ZNF536: variants seen among roughly 807,000 people sequenced by gnomAD.
ZNF536 encodes zinc finger protein 536.
Under a neutral mutation model 84.5 loss-of-function variants are expected in ZNF536, and 13 were observed. The observed-to-expected ratio is 0.15, with a 90% CI of 0.10 to 0.24. ZNF536 has a LOEUF of 0.24. Among genes scored for constraint, ZNF536 ranks in the 10% least tolerant of loss-of-function variants. The probability of loss-of-function intolerance (pLI) is 1.00; values close to 1 mark genes in which losing one functional copy is unlikely to be tolerated. For missense variants in ZNF536, 1,536 were observed against 1,747.5 expected, an observed-to-expected ratio of 0.88 and a Z score of 2.16; for synonymous variants, 811 against 742.5, an observed-to-expected ratio of 1.09 and a Z score of -1.50.
intron 2 of ZNF536, among the ~76,000 whole-genome samples, chr19:30,487,335 G>T (rs182758359): frequency 4.3e-4 from 65 of 152,312 alleles, no homozygotes; most frequent in African/African-American, 1.5e-3. Context: ...TGATGGACAT[G>T]ATGCAGCCAT....
At chr19:30,270,827 A>T (rs2025791264) in intron 1 of ZNF536, among the ~76,000 whole-genome samples, 1 of 150,424 alleles carries the variant, frequency 6.6e-6, no homozygotes, top group Non-Finnish European at 1.5e-5. Flanking sequence ...CTTTGAAAGG[A>T]TGGAGACCAT....
upstream of ZNF536, among the ~76,000 whole-genome samples, chr19:30,225,922 G>A (rs2022586088): frequency 7.2e-6 from 1 of 138,628 alleles, no homozygotes; most frequent in South Asian, 2.7e-4. Context: ...TGACGTTGGC[G>A]AGAGAAGCTG....
At chr19:30,528,970 G>A (rs147680923) in intron 2 of ZNF536, among the ~76,000 whole-genome samples, 1 of 151,668 alleles carries the variant, frequency 6.6e-6, no homozygotes, top group South Asian at 2.1e-4. Context: ...GGATAGGCTT[G>A]GAGCTCTTTC....
At chr19:30,362,439 C>A (rs2048304401) in intron 3 of ZNF536, among the ~76,000 whole-genome samples, 2 of 152,218 alleles carry the variant, frequency 1.3e-5, no homozygotes, top group Admixed American at 1.3e-4. Context: ...AGCAAAGGGC[C>A]TCCAGGTAGG....
rs34995610 is a variant in ZNF536, at chr19:30,569,559, C to CTTTTTT, written c.169+20070_169+20075dup. Among the ~76,000 whole-genome samples, 78 of 55,090 alleles carry CTTTTTT rather than the reference C, an allele frequency of 1.4e-3. 9 individuals are homozygous for CTTTTTT. The highest frequency in any genetic ancestry group is 3.9e-3 in the African/African-American group (52 of 13,218). 36.1% of individuals were successfully genotyped at this position (55,090 alleles called of 152,430 possible). On this transcript the variant is annotated intron_variant, in intron 1 of 1. Transcript: ENST00000592773. ...ATGGAATCGAAGCCAGATAAACGTT[C>CTTTTTT]TTTTTTTTTTTTTTTTTTTTTTTTT...
upstream of ZNF536, among the ~76,000 whole-genome samples, chr19:30,369,359 C>T (rs565035934): frequency 9.2e-5 from 14 of 152,300 alleles, 1 homozygote; most frequent in South Asian, 2.7e-3. Flanking sequence ...GGATTTTGAT[C>T]TCTTATTTAT....
At chr19:30,345,691 CA>C (rs1312329143) in intron 2 of ZNF536, among the ~76,000 whole-genome samples, 7 of 152,194 alleles carry the variant, frequency 4.6e-5, no homozygotes, top group African/African-American at 1.4e-4. Flanking sequence ...TCATTGAAGG[CA>C]GAGAGTCTCG....
chr19:30,325,339 T>C (rs1600226701), intron 2 of ZNF536, among the ~76,000 whole-genome samples: 1 of 152,178 alleles, frequency 6.6e-6, no homozygotes, highest in Non-Finnish European at 1.5e-5. Context: ...ATGTCGGATC[T>C]GGGAGGCAAG....
chr19:30,444,996 C>T lies in ZNF536; in HGVS notation c.1434C>T (p.His478=), dbSNP rs752956831. ...KLLSPISSMA[H]GVPEGDKHSL... The stretch of plus-strand genomic sequence containing the variant: ...TGTCTCCCATCTCCAGCATGGCCCA[C>T]GGCGTCCCGGAGGGGGACAAGCACT... Residue 478 remains histidine (H), a synonymous_variant, in exon 2 of 5, where the codon CAC becomes CAT. Coordinates refer to ENST00000355537, the MANE Select transcript of ZNF536 (RefSeq NM_014717.3). 1 of 1,610,954 alleles carries T rather than the reference C, an allele frequency of 6.2e-7. No homozygotes were observed. Among genetic ancestry groups the T allele is most frequent in the East Asian group, 2.2e-5 (1 of 44,818 alleles).
At chr19:30,331,549 G>C (rs1375974520) in intron 2 of ZNF536, among the ~76,000 whole-genome samples, 1 of 152,006 alleles carries the variant, frequency 6.6e-6, no homozygotes, top group Non-Finnish European at 1.5e-5. Flanking sequence ...AGGTCTGTTG[G>C]CCAGTGACAT....
chr19:30,339,040 T>C (rs147088192), intron 2 of ZNF536, among the ~76,000 whole-genome samples: 1 of 152,274 alleles, frequency 6.6e-6, no homozygotes, highest in Non-Finnish European at 1.5e-5. Flanking sequence ...GCTGTAAAGT[T>C]CCGTAGCTAA....
chr19:30,484,869 C>A (rs896552211), intron 2 of ZNF536, among the ~76,000 whole-genome samples: 1 of 151,820 alleles, frequency 6.6e-6, no homozygotes, highest in African/African-American at 2.4e-5. Context: ...TGTTGCCGGG[C>A]GCGGTGGCTC....
At chr19:30,422,306 G>T (rs991742599) in intron 1 of ZNF536, among the ~76,000 whole-genome samples, 1 of 152,158 alleles carries the variant, frequency 6.6e-6, no homozygotes, top group African/African-American at 2.4e-5. Context: ...GCCCAAGGAA[G>T]TTGCATCAGA....
chr19:30,284,268 G>A (rs191828643), intron 2 of ZNF536: 9 of 152,408 alleles, frequency 5.9e-5, no homozygotes, highest in Admixed American at 1.3e-4. Context: ...AGTCACAGGT[G>A]TCTGGGAGGT....
Position 30,649,780 on chromosome 19 carries a change from G to A in ZNF536, c.170-60977G>A, listed in dbSNP as rs187108769. Among the ~76,000 whole-genome samples the A allele has an allele frequency of 1.4e-3, 211 of 152,120 alleles. 1 individual carries two copies. The highest frequency in any genetic ancestry group is 4.8e-3 in the African/African-American group (200 of 41,512). ...CAAAGTTGGAGTAATTAATTTAGAA[G>A]GGGGCTGACTGGTTTTCCACCTCTC... On this transcript the variant is annotated intron_variant, in intron 1 of 1. Coordinates refer to the ZNF536 transcript ENST00000592773.
At position 30,525,972 on chromosome 19, in the gene ZNF536, C is replaced by T. The variant is rs189370733; in HGVS notation, c.2171-8875C>T. On this transcript the variant is annotated intron_variant, in intron 2 of 4. Coordinates refer to ENST00000355537, the MANE Select transcript of ZNF536 (RefSeq NM_014717.3). ...TAGCTGGTCCCTGCCCTGCCCCCAA[C>T]CAGAGGCTGTTCCCAGGAGATGGCA... Among the ~76,000 whole-genome samples the T allele has an allele frequency of 9.8e-5, 15 of 152,314 alleles. 1 individual carries two copies. The highest frequency in any genetic ancestry group is 3.4e-4 in the African/African-American group (14 of 41,576).
At chr19:30,492,279 T>C (rs1459530461) in intron 2 of ZNF536, among the ~76,000 whole-genome samples, 2 of 152,230 alleles carry the variant, frequency 1.3e-5, no homozygotes, top group Non-Finnish European at 2.9e-5. Flanking sequence ...TTTTATTATA[T>C]GAGACATTGG....
At chr19:30,398,860 A>G (rs2049930856) in intron 1 of ZNF536, among the ~76,000 whole-genome samples, 1 of 152,220 alleles carries the variant, frequency 6.6e-6, no homozygotes, top group South Asian at 2.1e-4. Context: ...TATTGTGAAT[A>G]GTGCTGCAAT....
chr19:30,412,792 G>A (rs773011809), intron 1 of ZNF536, among the ~76,000 whole-genome samples: 2 of 151,670 alleles, frequency 1.3e-5, no homozygotes, highest in Non-Finnish European at 2.9e-5. Flanking sequence ...TCTGTGTTCC[G>A]AGATGGTTTA....
Sources: allele counts gnomAD v4.1 joint callset (sites outside exome capture counted in the v4.1 genomes callset), GRCh38; gene constraint gnomAD v4.1.1; transcripts MANE v1.5; gene names NCBI Gene and HGNC (gene_info 2026-07-23, HGNC 2026-07-21).